SLC2A4RG: variants seen among roughly 807,000 people sequenced by gnomAD.
SLC2A4RG encodes SLC2A4 regulator.
Under a neutral mutation model 35.5 loss-of-function variants are expected in SLC2A4RG, and 23 were observed. The ratio of observed to expected loss-of-function variants is 0.65; its 90% confidence interval spans 0.47 to 0.92. SLC2A4RG has a LOEUF of 0.92. SLC2A4RG is among the 40% of genes least tolerant of loss of function. The probability of loss-of-function intolerance (pLI) is 0.00; values close to 1 mark genes in which losing one functional copy is unlikely to be tolerated. For missense variants in SLC2A4RG, 539 were observed against 525.0 expected (o/e 1.03, Z -0.26); for synonymous variants, 306 against 243.7 (o/e 1.26, Z -2.38).
At position 63,741,850 on chromosome 20, in the gene SLC2A4RG, G is replaced by A. The variant is rs755954008; in HGVS notation, c.392-19G>A. On this transcript the variant is annotated intron_variant, in intron 3 of 7. Transcript: ENST00000266077. ...GGACCCACCCGAAGTTCTAAGGCGG[G>A]GGGCCCGTGTCCCCACAGAGCCTGG... 1.3e-6 allele frequency: 2 copies of A among 1,565,198 alleles called. No homozygotes were observed. Among genetic ancestry groups the A allele is most frequent in the African/African-American group, 1.4e-5 (1 of 73,624 alleles).
At position 63,739,879 on chromosome 20, in the gene SLC2A4RG, C is replaced by T. The variant is rs1475257112; in HGVS notation, c.-34C>T. 24 of 978,392 alleles carry T rather than the reference C, an allele frequency of 2.5e-5. No homozygotes were observed. Among genetic ancestry groups the T allele is most frequent in the Non-Finnish European group, 2.9e-5 (24 of 827,592 alleles). 60.6% of individuals were successfully genotyped at this position (978,392 alleles called of 1,614,324 possible). A position where few individuals can be genotyped will look rare whatever the true frequency, so the allele number is the denominator to read the frequency against. On this transcript the variant is annotated 5_prime_UTR_variant, in exon 1 of 8. Transcript: ENST00000266077. ...GGGCCGCGTCCTGAGAGTCAGCCCT[C>T]GCCGCTGCAGCCTCGGCGCCCGGCC...
Position 63,742,698 on chromosome 20 carries a change from G to T in SLC2A4RG, c.961-1G>T. ...GAAGCCCTGGCTGTGTCTCCCTGTAGGGCTGCCTGACGCCCGCCCGCCTGG... is the reference window on the plus strand; with the variant it reads ...GAAGCCCTGGCTGTGTCTCCCTGTATGGCTGCCTGACGCCCGCCCGCCTGG... On this transcript the variant is annotated splice_acceptor_variant, in intron 6 of 7. Transcript: ENST00000266077. LOFTEE classifies it high-confidence loss of function. 2 of 1,597,794 alleles carry T rather than the reference G, an allele frequency of 1.3e-6. No homozygotes were observed. The highest frequency in any genetic ancestry group is 8.5e-7 in the Non-Finnish European group (1 of 1,173,292).
intron 2 of SLC2A4RG, 115 bp from the exon 3 acceptor site, chr20:63,741,255 G>A (rs1490580687): frequency 1.1e-6 from 1 of 944,854 alleles, no homozygotes; most frequent in East Asian, 2.6e-5. Context: ...TCATGCCCAG[G>A]GCTGGGAGTG....
chr20:63,741,639 A>G (rs2092041971), intron 3 of SLC2A4RG, among the ~76,000 whole-genome samples, 160 bp downstream of exon 3: 1 of 152,212 alleles, frequency 6.6e-6, no homozygotes, highest in South Asian at 2.1e-4. Context: ...CCAAAGCGGC[A>G]GGACCCAGGC....
Position 63,742,228 on chromosome 20 carries a change from G to A in SLC2A4RG, c.678G>A (p.Leu226=), listed in dbSNP as rs754485796. 1.3e-6 allele frequency: 2 copies of A among 1,590,758 alleles called. No homozygotes were observed. The highest frequency in any genetic ancestry group is 3.5e-5 in the Admixed American group (2 of 56,562). The stretch of plus-strand genomic sequence containing the variant: ...AGAGACACATCCGCCTGGTGCACCT[G>A]GGGTGCGGCGGGGCCTGGGGTGCGG... The part of the protein sequence containing the change: ...AMQRHIRLVH[L]GRQAEPEQSD... Residue 226 remains leucine (L), a splice_region_variant and synonymous_variant, in exon 5 of 8, where the codon CTG becomes CTA. Transcript: ENST00000266077.
rs749152899 is a variant in SLC2A4RG, at chr20:63,741,319, G to A, written c.282-51G>A. On this transcript the variant is annotated intron_variant, in intron 2 of 7. Transcript: ENST00000266077. ...CCTGCACGTGGACCGACCAGGGGAG[G>A]GGCCCAGAGCTCTGGCTGGGTCACC... 1.4e-5 allele frequency: 21 copies of A among 1,554,746 alleles called. No individual in the cohort carries two copies. The South Asian group carries it at 1.7e-4, about 12-fold the overall frequency.
At position 63,741,854 on chromosome 20, in the gene SLC2A4RG, C is replaced by T. The variant is rs2092043342; in HGVS notation, c.392-15C>T. ...CCACCCGAAGTTCTAAGGCGGGGGG[C>T]CCGTGTCCCCACAGAGCCTGGCCTG... is the stretch of plus-strand genomic sequence containing the variant. On this transcript the variant is annotated splice_polypyrimidine_tract_variant and intron_variant, in intron 3 of 7. Coordinates refer to ENST00000266077, the MANE Select transcript of SLC2A4RG (RefSeq NM_020062.4). The T allele has an allele frequency of 6.4e-7, 1 of 1,569,250 alleles. No homozygotes were observed.
At chr20:63,740,118 G>T in intron 1 of SLC2A4RG, 80 bp downstream of exon 1, 1 of 725,024 alleles carries the variant, frequency 1.4e-6, no homozygotes, top group Non-Finnish European at 1.7e-6. Flanking sequence ...CAAACTTCGG[G>T]CCCCCGGGGG....
rs761884501 is a variant in SLC2A4RG, at chr20:63,742,325, G to T, written c.681-11G>T. 6.2e-7 allele frequency: 1 copy of T among 1,606,582 alleles called. No individual in the cohort carries two copies. The highest frequency in any genetic ancestry group is 8.5e-7 in the Non-Finnish European group (1 of 1,176,398). Reference sequence around the variant, plus strand: ...CCTTCAGCTCCCACTGGCTGGCTGTGTCTCCCGCAGGAGGCAGGCAGAGCC... The same window carrying T: ...CCTTCAGCTCCCACTGGCTGGCTGTTTCTCCCGCAGGAGGCAGGCAGAGCC... On this transcript the variant is annotated splice_polypyrimidine_tract_variant and intron_variant, in intron 5 of 7. Coordinates refer to ENST00000266077, the MANE Select transcript of SLC2A4RG (RefSeq NM_020062.4).
Position 63,743,790 on chromosome 20 carries a change from G to A in SLC2A4RG, c.*800G>A, listed in dbSNP as rs1455050368. The A allele has an allele frequency of 6.6e-6, 1 of 152,472 alleles. No homozygotes were observed. The highest frequency in any genetic ancestry group is 1.5e-5 in the Non-Finnish European group (1 of 68,052). 9.4% of individuals were successfully genotyped at this position (152,472 alleles called of 1,614,324 possible). On this transcript the variant is annotated 3_prime_UTR_variant, in exon 8 of 8. Transcript: ENST00000266077. ...AGAAACTTGGAGACTCACCGCAGAG[G>A]CCACGTGAACCCACGGCCACAGAGA... is the stretch of plus-strand genomic sequence containing the variant.
Position 63,741,969 on chromosome 20 carries a change from C to A in SLC2A4RG, c.492C>A (p.Asp164Glu). The change falls in exon 4 of 8, where the codon GAC (aspartate) becomes GAA (glutamate). Residue 164 changes from aspartate to glutamate, a missense_variant. By Grantham distance (45) the Asp-to-Glu change is conservative. Coordinates refer to ENST00000266077, the MANE Select transcript of SLC2A4RG (RefSeq NM_020062.4). ...SGDWGWDLASDQSSPSTPSPP... is the reference protein window; with the variant it reads ...SGDWGWDLASEQSSPSTPSPP... ...ACTGGGGATGGGACCTGGCCAGTGA[C>A]CAGTCCTCTCCGTCCACCCCGTCAC... is the stretch of plus-strand genomic sequence containing the variant. 6.2e-7 allele frequency: 1 copy of A among 1,613,056 alleles called. No homozygotes were observed. Among genetic ancestry groups the A allele is most frequent in the Non-Finnish European group, 8.5e-7 (1 of 1,179,870 alleles).
chr20:63,741,754 C>T, intron 3 of SLC2A4RG, 115 bp from the exon 4 acceptor site: 1 of 1,442,758 alleles, frequency 6.9e-7, no homozygotes, highest in Non-Finnish European at 9.1e-7. Context: ...GGGCCAGCTC[C>T]TCCAAGACGC....
In SLC2A4RG at chr20:63,742,605, G is replaced by C. The variant is rs537149520; in HGVS notation, c.950G>C (p.Arg317Pro). ...VANPQSCHSD[R>P]VYQGCLTPAR... ...AACCCCCAGTCCTGTCACAGTGACC[G>C]TGTCTACCAGGTGGGTGAGGCCACG... is the stretch of plus-strand genomic sequence containing the variant. The change falls in exon 6 of 8, where the codon CGT (arginine) becomes CCT (proline). Residue 317 changes from arginine to proline, a missense_variant. Arg to Pro is a moderately radical substitution (Grantham distance 103). Coordinates refer to ENST00000266077, the MANE Select transcript of SLC2A4RG (RefSeq NM_020062.4). The C allele has an allele frequency of 6.3e-7, 1 of 1,575,934 alleles. No homozygotes were observed. Among genetic ancestry groups the C allele is most frequent in the Non-Finnish European group, 8.6e-7 (1 of 1,156,496 alleles).
chr20:63,743,125 G>T lies in SLC2A4RG; in HGVS notation c.*135G>T. ...CAGGGTCTGCTTTTACTTGGGGTGG[G>T]GGGGCGGGGCTGACCCTGAACCCTC... On this transcript the variant is annotated 3_prime_UTR_variant, in exon 8 of 8. Transcript: ENST00000266077. 5.3e-6 allele frequency: 2 copies of T among 378,642 alleles called. 1 individual carries two copies. The highest frequency in any genetic ancestry group is 9.5e-6 in the Non-Finnish European group (2 of 210,780). 23.5% of individuals were successfully genotyped at this position (378,642 alleles called of 1,614,324 possible).
At position 63,743,130 on chromosome 20, in the gene SLC2A4RG, C is replaced by T. The variant is rs1285927439; in HGVS notation, c.*140C>T. 38 of 96,276 alleles carry T rather than the reference C, an allele frequency of 3.9e-4. No individual in the cohort carries two copies. The highest frequency in any genetic ancestry group is 1.7e-3 in the African/African-American group (30 of 18,072). 6.0% of individuals were successfully genotyped at this position (96,276 alleles called of 1,614,324 possible). Reference sequence around the variant, plus strand: ...TCTGCTTTTACTTGGGGTGGGGGGGCGGGGCTGACCCTGAACCCTCCCCCC... The same window carrying T: ...TCTGCTTTTACTTGGGGTGGGGGGGTGGGGCTGACCCTGAACCCTCCCCCC... On this transcript the variant is annotated 3_prime_UTR_variant, in exon 8 of 8. Transcript: ENST00000266077.
chr20:63,742,504 G>T lies in SLC2A4RG; in HGVS notation c.849G>T (p.Glu283Asp). Residue 283 changes from glutamate to aspartate, a missense_variant, in exon 6 of 8, where the codon GAG (glutamate) becomes GAT (aspartate). Glu to Asp is a conservative substitution (Grantham distance 45). Transcript: ENST00000266077. ...FPRLELPELL[E>D]PPALPSPLRP... The stretch of plus-strand genomic sequence containing the variant: ...GCCTGGAGCTGCCAGAGCTGCTGGA[G>T]CCCCCAGCCCTGCCTAGTCCCCTGC... The T allele has an allele frequency of 6.4e-7, 1 of 1,567,594 alleles. No individual in the cohort carries two copies. The highest frequency in any genetic ancestry group is 8.6e-7 in the Non-Finnish European group (1 of 1,157,090).
rs918242885 is a variant in SLC2A4RG at position 63,742,040 on chromosome 20, C to A, written c.563C>A (p.Thr188Asn). The A allele has an allele frequency of 1.9e-6, 3 of 1,611,702 alleles. No individual in the cohort carries two copies. The African/African-American group carries it at 4.0e-5, about 22-fold the overall frequency. The change falls in exon 4 of 8, where the codon ACC becomes AAC. Residue 188 changes from threonine (T) to asparagine (N), a missense_variant. Thr to Asn is a moderately conservative substitution (Grantham distance 65). Coordinates refer to ENST00000266077, the MANE Select transcript of SLC2A4RG (RefSeq NM_020062.4). The part of the protein sequence containing the change: ...EAAHFLFGEP[T>N]LRKRKSPAQV... ...GCCCACTTTCTGTTTGGGGAGCCCA[C>A]CCTGAGAAAAAGGAAGGTGAGCTTG...
Position 63,743,644 on chromosome 20 carries a change from T to A in SLC2A4RG, c.*654T>A, listed in dbSNP as rs2092057921. The A allele has an allele frequency of 6.6e-6, 1 of 152,280 alleles. No homozygotes were observed. The highest frequency in any genetic ancestry group is 6.5e-5 in the Admixed American group (1 of 15,272). 9.4% of individuals were successfully genotyped at this position (152,280 alleles called of 1,614,324 possible). A position where few individuals can be genotyped will look rare whatever the true frequency, so the allele number is the denominator to read the frequency against. ...ACCCCAGGCGAGGCCGGAGGAAGGA[T>A]CATCTGAGACGCAGGAGGCATCTGC... On this transcript the variant is annotated 3_prime_UTR_variant, in exon 8 of 8. Coordinates refer to ENST00000266077, the MANE Select transcript of SLC2A4RG (RefSeq NM_020062.4).
At position 63,742,889 on chromosome 20, in the gene SLC2A4RG, G is replaced by A. The variant is rs200129084; in HGVS notation, c.1063G>A (p.Gly355Ser). 9 of 1,611,662 alleles carry A rather than the reference G, an allele frequency of 5.6e-6. No individual in the cohort carries two copies. Among genetic ancestry groups the A allele is most frequent in the East Asian group, 2.2e-5 (1 of 44,846 alleles). Residue 355 changes from glycine to serine, a missense_variant, in exon 8 of 8, where the codon GGC (glycine) becomes AGC (serine). By Grantham distance (56) the Gly-to-Ser change is moderately conservative. Coordinates refer to ENST00000266077, the MANE Select transcript of SLC2A4RG (RefSeq NM_020062.4). ...RIGVTLRKPR[G>S]DAKKCRKVYG... is the part of the protein sequence containing the mutation. The stretch of plus-strand genomic sequence containing the variant: ...TGACCCCCCGCACAGGAAGCCCCGC[G>A]GCGACGCGAAGAAGTGCCGGAAGGT...
Sources: gnomAD v4.1 joint callset for allele counts (sites outside exome capture counted in the v4.1 genomes callset) on GRCh38, gnomAD v4.1.1 for gene constraint, MANE v1.5 for transcripts, NCBI Gene and HGNC (gene_info 2026-07-23, HGNC 2026-07-21) for gene names.